The following GALNTL6 variants were observed in gnomAD, a reference collection of about 807,000 sequenced individuals.
The protein encoded by GALNTL6 is polypeptide N-acetylgalactosaminyltransferase-like 6.
Under a neutral mutation model 73.7 loss-of-function variants are expected in GALNTL6, and 46 were observed. The observed-to-expected ratio is 0.62, with a 90% CI of 0.49 to 0.80. The LOEUF is 0.80. GALNTL6 is among the 30% of genes least tolerant of loss of function. The probability of loss-of-function intolerance (pLI) is 0.00; values close to 1 mark genes in which losing one functional copy is unlikely to be tolerated. For missense variants in GALNTL6, 604 were observed against 755.0 expected (o/e 0.80, Z 2.34); for synonymous variants, 259 against 263.7 (o/e 0.98, Z 0.17).
chr4:172,352,975 G>A (rs943429225), intron 5 of GALNTL6, among the ~76,000 whole-genome samples: 2 of 152,020 alleles, frequency 1.3e-5, no homozygotes, highest in South Asian at 2.1e-4. Context: ...TAGACAGCCC[G>A]CACTCCTACT....
chr4:171,883,046 A>T (rs1736498283), intron 2 of GALNTL6, among the ~76,000 whole-genome samples: 1 of 152,168 alleles, frequency 6.6e-6, no homozygotes. Context: ...TTGTACTTTG[A>T]TAAGCTTTTA....
At chr4:171,869,370 T>G (rs112265024) in intron 2 of GALNTL6, among the ~76,000 whole-genome samples, 273 of 152,340 alleles carry the variant, frequency 1.8e-3, no homozygotes, top group Non-Finnish European at 3.2e-3. Flanking sequence ...ATTTATTTCT[T>G]ACAAATGTCT....
intron 2 of GALNTL6, among the ~76,000 whole-genome samples, chr4:171,883,808 T>C (rs575210638): frequency 9.9e-5 from 15 of 151,966 alleles, no homozygotes; most frequent in Admixed American, 2.6e-4. Flanking sequence ...CCACCACACC[T>C]GGCTAATTTT....
At chr4:171,872,975 GA>G (rs1736179830) in intron 2 of GALNTL6, among the ~76,000 whole-genome samples, 1 of 152,132 alleles carries the variant, frequency 6.6e-6, no homozygotes, top group African/African-American at 2.4e-5. Flanking sequence ...TGAATTATGG[GA>G]GGGAAGATGA....
chr4:172,619,323 T>C (rs934247733), intron 5 of GALNTL6, among the ~76,000 whole-genome samples: 1 of 152,174 alleles, frequency 6.6e-6, no homozygotes, highest in Non-Finnish European at 1.5e-5. Context: ...TGAGTGCACA[T>C]GCAATACCAT....
intron 5 of GALNTL6, among the ~76,000 whole-genome samples, chr4:172,370,828 T>C (rs1296069023): frequency 2.0e-5 from 3 of 152,110 alleles, no homozygotes; most frequent in Non-Finnish European, 4.4e-5. Flanking sequence ...GAGTCACTGC[T>C]GCTAAGGTGT....
At chr4:172,957,295 G>A (rs1228422132) in intron 10 of GALNTL6, among the ~76,000 whole-genome samples, 1 of 152,186 alleles carries the variant, frequency 6.6e-6, no homozygotes, top group Non-Finnish European at 1.5e-5. Context: ...TGGGCTAGTG[G>A]CTTGTAACCT....
intron 8 of GALNTL6, among the ~76,000 whole-genome samples, chr4:172,892,543 T>C (rs1435847552): frequency 6.6e-6 from 1 of 152,062 alleles, no homozygotes; most frequent in Admixed American, 6.5e-5. Context: ...GGCCAGCAGA[T>C]AGGCTCTTAG....
chr4:172,897,592 G>T (rs574584271), intron 8 of GALNTL6, among the ~76,000 whole-genome samples: 1 of 152,180 alleles, frequency 6.6e-6, no homozygotes, highest in Non-Finnish European at 1.5e-5. Context: ...AAGTTCCTTG[G>T]GGGACAGGTC....
At chr4:173,033,396 A>G (rs1561098404) in intron 12 of GALNTL6, among the ~76,000 whole-genome samples, 1 of 151,958 alleles carries the variant, frequency 6.6e-6, no homozygotes, top group Admixed American at 6.6e-5. Context: ...AAAAAAAAAA[A>G]AAAAAATGGA....
chr4:172,057,701 CAAAAAAAAAAAA>C (rs57041409), intron 2 of GALNTL6, among the ~76,000 whole-genome samples: 2,202 of 62,948 alleles, frequency 0.035, 60 homozygotes, highest in South Asian at 0.081. Flanking sequence ...GACCCTGTCT[CAAAAAAAAAAAA>C]AAAAAAAAAA....
At chr4:172,025,837 G>A (rs1451004363) in intron 2 of GALNTL6, among the ~76,000 whole-genome samples, 1 of 151,730 alleles carries the variant, frequency 6.6e-6, no homozygotes, top group Non-Finnish European at 1.5e-5. Context: ...AACTGTTTAT[G>A]AAGGTTTCAG....
chr4:172,890,729 T>G (rs1181179096), intron 8 of GALNTL6, among the ~76,000 whole-genome samples: 1 of 152,208 alleles, frequency 6.6e-6, no homozygotes, highest in African/African-American at 2.4e-5. Flanking sequence ...GTGTTGGATT[T>G]AAGTCCAGAA....
At chr4:171,993,648 A>T (rs971639007) in intron 2 of GALNTL6, among the ~76,000 whole-genome samples, 42 of 152,082 alleles carry the variant, frequency 2.8e-4, no homozygotes, top group African/African-American at 9.4e-4. Context: ...AATAAGGCAG[A>T]TGATTTGGAA....
chr4:172,539,342 A>G (rs891822920), intron 5 of GALNTL6, among the ~76,000 whole-genome samples: 1 of 152,232 alleles, frequency 6.6e-6, no homozygotes. Flanking sequence ...CTAAATTTAC[A>G]TAAACTATTG....
At chr4:172,678,055 G>A (rs146750033) in intron 5 of GALNTL6, among the ~76,000 whole-genome samples, 4 of 152,160 alleles carry the variant, frequency 2.6e-5, no homozygotes, top group African/African-American at 7.2e-5. Context: ...ATTCATGTGC[G>A]TGTCTTTGTT....
chr4:171,974,616 T>G (rs957184420), intron 2 of GALNTL6, among the ~76,000 whole-genome samples: 2 of 152,232 alleles, frequency 1.3e-5, no homozygotes, highest in Non-Finnish European at 2.9e-5. Context: ...AAAAAAATTT[T>G]AAATACTGAA....
At chr4:172,810,275 A>G (rs1164153722) in intron 6 of GALNTL6, among the ~76,000 whole-genome samples, 1 of 152,216 alleles carries the variant, frequency 6.6e-6, no homozygotes, top group Non-Finnish European at 1.5e-5. Flanking sequence ...TTAAGCTAGA[A>G]AACATACATG....
intron 2 of GALNTL6, among the ~76,000 whole-genome samples, chr4:171,996,185 T>C (rs1740478636): frequency 6.6e-6 from 1 of 152,160 alleles, no homozygotes. Flanking sequence ...AATATGATGA[T>C]ATTTATCATT....
Sources: allele counts gnomAD v4.1 joint callset (sites outside exome capture counted in the v4.1 genomes callset), GRCh38; gene constraint gnomAD v4.1.1; transcripts MANE v1.5; gene names NCBI Gene and HGNC (gene_info 2026-07-23, HGNC 2026-07-21).